Variants in MTUS2 observed in about 807,000 individuals in gnomAD.
MTUS2 encodes the protein microtubule-associated tumor suppressor candidate 2.
MTUS2 carries 40 observed loss-of-function variants against 114.1 expected under a neutral mutation model. That is an observed-to-expected ratio of 0.35 (90% CI 0.27 to 0.46). The LOEUF is 0.46. Among genes scored for constraint, MTUS2 ranks in the 20% least tolerant of loss-of-function variants. The pLI, the probability that MTUS2 is intolerant of heterozygous loss-of-function variation, is 1.00. For synonymous variants in MTUS2, 688 were observed against 672.0 expected (o/e 1.02, Z -0.37); for missense variants, 1,679 against 1,705.4 (o/e 0.98, Z 0.27).
At chr13:29,115,738 A>T (rs1251983282) in intron 5 of MTUS2, among the ~76,000 whole-genome samples, 1 of 152,246 alleles carries the variant, frequency 6.6e-6, no homozygotes, top group African/African-American at 2.4e-5. Context: ...AGCCAGGACC[A>T]CTGGGCCCTC....
intron 9 of MTUS2, among the ~76,000 whole-genome samples, chr13:29,460,078 A>T (rs1879376798): frequency 6.6e-6 from 1 of 152,220 alleles, no homozygotes; most frequent in African/African-American, 2.4e-5. Context: ...ATCAAGGAGC[A>T]TAAATGCATA....
intron 5 of MTUS2, among the ~76,000 whole-genome samples, chr13:29,208,309 G>A (rs1444166507): frequency 6.6e-6 from 1 of 151,832 alleles, no homozygotes; most frequent in Non-Finnish European, 1.5e-5. Flanking sequence ...AGTTTATTTG[G>A]ATCTTTTCTC....
At chr13:29,355,242 G>A (rs562383342) in intron 7 of MTUS2, among the ~76,000 whole-genome samples, 5 of 152,324 alleles carry the variant, frequency 3.3e-5, no homozygotes, top group South Asian at 4.1e-4. Context: ...GCCTTTGCAC[G>A]CAAACTGTTT....
chr13:28,929,303 G>C (rs1200563331), intron 2 of MTUS2, among the ~76,000 whole-genome samples: 1 of 152,146 alleles, frequency 6.6e-6, no homozygotes, highest in African/African-American at 2.4e-5. Flanking sequence ...TTTCAGGATA[G>C]CTAGAAGAGA....
rs541909483 is a variant in MTUS2, at chr13:29,439,354, G to A, written c.3118-629G>A. On this transcript the variant is annotated intron_variant, in intron 8 of 15. Coordinates refer to ENST00000612955, the MANE Select transcript of MTUS2 (RefSeq NM_001033602.4). ...CTTAGCAGTCATTTAGTTATACGGG[G>A]CATTTTTTGCACTAAATGGTATTTC... 3.3e-5 allele frequency among the ~76,000 whole-genome samples: 5 copies of A among 152,234 alleles called. No individual in the cohort carries two copies. In the South Asian group the frequency reaches 1.0e-3, roughly 32 times the overall value.
chr13:29,501,777 C>A (rs1452565663), intron 15 of MTUS2, among the ~76,000 whole-genome samples: 1 of 152,186 alleles, frequency 6.6e-6, no homozygotes, highest in African/African-American at 2.4e-5. Flanking sequence ...CAATGCTCAC[C>A]CATGGTGTGT....
At chr13:28,845,465 C>T (rs111320148) in intron 2 of MTUS2, among the ~76,000 whole-genome samples, 1 of 152,152 alleles carries the variant, frequency 6.6e-6, no homozygotes, top group Non-Finnish European at 1.5e-5. Flanking sequence ...TTTCTTTCAT[C>T]TCAAAGGAAA....
chr13:29,330,196 C>G (rs1403752674), intron 7 of MTUS2, among the ~76,000 whole-genome samples: 6 of 151,902 alleles, frequency 3.9e-5, no homozygotes, highest in Non-Finnish European at 8.8e-5. Flanking sequence ...CGCTAATGAC[C>G]AGCTTTTTTT....
chr13:29,355,937 A>G (rs9550464), intron 7 of MTUS2, among the ~76,000 whole-genome samples: 26,927 of 152,160 alleles, frequency 0.18, 2,925 homozygotes, highest in East Asian at 0.24. Context: ...ATTCACTAAT[A>G]TCCATTTCCT....
chr13:29,233,351 CA>C (rs747073028), intron 5 of MTUS2, among the ~76,000 whole-genome samples: 31 of 152,092 alleles, frequency 2.0e-4, no homozygotes, highest in Non-Finnish European at 3.7e-4. Flanking sequence ...GTGATATCAC[CA>C]GGGGGGATGA....
chr13:29,358,976 C>T lies in MTUS2; in HGVS notation c.2906-286C>T, dbSNP rs560583233. On this transcript the variant is annotated intron_variant, in intron 7 of 15. Coordinates refer to ENST00000612955, the MANE Select transcript of MTUS2 (RefSeq NM_001033602.4). ...TTTAAGAAAAAAAAAAAAAAAGCTTCTCTCTCTCCAAGCAAGCCTAGAAGA... is the reference window on the plus strand; with the variant it reads ...TTTAAGAAAAAAAAAAAAAAAGCTTTTCTCTCTCCAAGCAAGCCTAGAAGA... Among the ~76,000 whole-genome samples the T allele has an allele frequency of 5.4e-3, 781 of 145,658 alleles. 6 individuals are homozygous for T. Among genetic ancestry groups the T allele is most frequent in the South Asian group, 0.012 (56 of 4,520 alleles).
intron 4 of MTUS2, among the ~76,000 whole-genome samples, chr13:29,053,847 C>G (rs1888011798): frequency 6.6e-6 from 1 of 152,130 alleles, no homozygotes; most frequent in Non-Finnish European, 1.5e-5. Flanking sequence ...CAGTTTTTGG[C>G]TCTAACAAAT....
intron 9 of MTUS2, among the ~76,000 whole-genome samples, chr13:29,463,871 T>C (rs1879697706): frequency 5.9e-5 from 9 of 152,160 alleles, no homozygotes; most frequent in Admixed American, 4.6e-4. Flanking sequence ...TGGTGGCACG[T>C]ACCTGTAATC....
At chr13:28,832,253 G>T (rs1358024202) in intron 1 of MTUS2, among the ~76,000 whole-genome samples, 7 of 152,124 alleles carry the variant, frequency 4.6e-5, no homozygotes, top group Non-Finnish European at 1.0e-4. Context: ...CTTTAAAATA[G>T]ACTATGTAAT....
chr13:29,180,974 A>G (rs1218309974), intron 5 of MTUS2, among the ~76,000 whole-genome samples: 2 of 152,162 alleles, frequency 1.3e-5, no homozygotes, highest in East Asian at 1.9e-4. Flanking sequence ...TTATTTCAGA[A>G]TATCCTGAAA....
intron 5 of MTUS2, among the ~76,000 whole-genome samples, chr13:29,121,136 A>G (rs1227609155): frequency 6.6e-6 from 1 of 152,204 alleles, no homozygotes; most frequent in Non-Finnish European, 1.5e-5. Flanking sequence ...ATTTTATGGG[A>G]CAGCTATAAG....
In MTUS2 at chr13:29,026,973, G is replaced by A. The variant is rs951358313; in HGVS notation, c.2205+70G>A. On this transcript the variant is annotated intron_variant, in intron 3 of 15. Transcript: ENST00000612955. ...AATATCTGTGACATATTTTCAATGAGTTATGAAAGTAAAATGTCCTCTTTA... is the reference window on the plus strand; with the variant it reads ...AATATCTGTGACATATTTTCAATGAATTATGAAAGTAAAATGTCCTCTTTA... 9 of 1,420,578 alleles carry A rather than the reference G, an allele frequency of 6.3e-6. No homozygotes were observed. The Admixed American group carries it at 1.2e-4, about 19-fold the overall frequency. 88.0% of individuals were successfully genotyped at this position (1,420,578 alleles called of 1,614,324 possible). A position where few individuals can be genotyped will look rare whatever the true frequency, so the allele number is the denominator to read the frequency against.
At chr13:29,084,781 A>ACC (rs774295228) in intron 4 of MTUS2, among the ~76,000 whole-genome samples, 2,245 of 91,950 alleles carry the variant, frequency 0.024, 132 homozygotes, top group East Asian at 0.056. Flanking sequence ...CAGGTGATCC[A>ACC]CCCCCCCCCC....
chr13:29,212,377 T>C (rs1393423115), intron 5 of MTUS2, among the ~76,000 whole-genome samples: 2 of 152,228 alleles, frequency 1.3e-5, no homozygotes, highest in East Asian at 3.9e-4. Context: ...GTGTGGGGTT[T>C]CCACACCAAG....
Sources: gnomAD v4.1 joint callset for allele counts (sites outside exome capture counted in the v4.1 genomes callset) on GRCh38, gnomAD v4.1.1 for gene constraint, MANE v1.5 for transcripts, NCBI Gene and HGNC (gene_info 2026-07-23, HGNC 2026-07-21) for gene names.